The following COG2 variants were observed in gnomAD, a reference collection of about 807,000 sequenced individuals.
The protein encoded by COG2 is component of oligomeric golgi complex 2.
Under a neutral mutation model 90.6 loss-of-function variants are expected in COG2, and 52 were observed. The observed-to-expected ratio is 0.57, with a 90% confidence interval of 0.46 to 0.72. The LOEUF (loss-of-function observed/expected upper bound fraction) is 0.72, where lower values mean the gene tolerates loss of function less well. COG2 is among the 30% of genes least tolerant of loss of function. COG2 has a pLI of 0.00. For synonymous variants in COG2, 337 were observed against 320.4 expected (o/e 1.05, Z -0.55); for missense variants, 829 against 891.2 (o/e 0.93, Z 0.89).
intron 12 of COG2, among the ~76,000 whole-genome samples, chr1:230,686,646 TTTA>T (rs1236608910): frequency 1.3e-5 from 2 of 152,152 alleles, no homozygotes; most frequent in Non-Finnish European, 2.9e-5. Context: ...CAAAATTAAT[TTTA>T]TTGTGGTTTG....
intron 9 of COG2, chr1:230,678,517 C>G (rs1366987014): frequency 1.0e-6 from 1 of 985,330 alleles, no homozygotes; most frequent in South Asian, 4.7e-5. Context: ...TTTCTCTTCT[C>G]TCTCTTTCTT....
At chr1:230,671,243 G>T (rs1164113408) in intron 7 of COG2, 6 of 197,544 alleles carry the variant, frequency 3.0e-5, no homozygotes, top group Admixed American at 5.9e-5. Context: ...TTTAAAAGTT[G>T]TTATTTTATT....
intron 1 of COG2, among the ~76,000 whole-genome samples, chr1:230,644,350 A>G (rs1374548286): frequency 6.6e-6 from 1 of 152,202 alleles, no homozygotes; most frequent in Non-Finnish European, 1.5e-5. Flanking sequence ...GTTATTTGCA[A>G]TTTGTGTTGC....
Position 230,663,124 on chromosome 1 carries a change from T to G in COG2, c.301-17T>G. The G allele has an allele frequency of 1.3e-6, 2 of 1,586,192 alleles. No homozygotes were observed. The highest frequency in any genetic ancestry group is 1.7e-6 in the Non-Finnish European group (2 of 1,170,270). On this transcript the variant is annotated splice_polypyrimidine_tract_variant and intron_variant, in intron 3 of 17. Coordinates refer to ENST00000366669, the MANE Select transcript of COG2 (RefSeq NM_007357.3). Reference sequence around the variant, plus strand: ...CAAAACAATCTCTGCAGTACTTTTTTTTTTTGTCTTTTAAAGAGCCTTAGA... The same window carrying G: ...CAAAACAATCTCTGCAGTACTTTTTGTTTTTGTCTTTTAAAGAGCCTTAGA...
At chr1:230,684,831 T>C (rs533308206) in intron 11 of COG2, among the ~76,000 whole-genome samples, 24 of 152,234 alleles carry the variant, frequency 1.6e-4, no homozygotes. Flanking sequence ...GAATGCTATA[T>C]GTATTTGATG....
rs991825616 is a variant in COG2, at chr1:230,686,072, C to T, written c.1380+836C>T. Among the ~76,000 whole-genome samples, 4 of 152,014 alleles carry T rather than the reference C, an allele frequency of 2.6e-5. No homozygotes were observed. In the East Asian group the frequency reaches 7.7e-4, roughly 29 times the overall value. ...TGTCAGCTTTGGAGCTAATGTCAAA[C>T]GTTGGCTCTTTAACTTTTTAATTCT... is the stretch of plus-strand genomic sequence containing the variant. On this transcript the variant is annotated intron_variant, in intron 12 of 17. Transcript: ENST00000366669.
chr1:230,681,959 T>C (rs1236330767), intron 10 of COG2: 1 of 138,624 alleles, frequency 7.2e-6, no homozygotes. Context: ...CTTTGGTCCT[T>C]TTTCATTTCT....
intron 9 of COG2, among the ~76,000 whole-genome samples, chr1:230,677,241 C>T (rs1342261466): frequency 6.6e-6 from 1 of 152,158 alleles, no homozygotes; most frequent in East Asian, 1.9e-4. Context: ...TCCACCTGCA[C>T]ATTGAGTTTC....
At chr1:230,646,800 G>T (rs1222005074) in intron 1 of COG2, among the ~76,000 whole-genome samples, 1 of 151,956 alleles carries the variant, frequency 6.6e-6, no homozygotes, top group Non-Finnish European at 1.5e-5. Context: ...TTGTGAGTCA[G>T]ATGTTATCAA....
intron 5 of COG2, among the ~76,000 whole-genome samples, chr1:230,667,072 G>C (rs1662338414): frequency 2.0e-5 from 3 of 152,146 alleles, no homozygotes; most frequent in Admixed American, 1.3e-4. Context: ...GGGCCTCCGG[G>C]TCATCCCCTA....
chr1:230,653,678 A>G lies in COG2; in HGVS notation c.73-5786A>G, dbSNP rs149252857. ...TAAAACAGAATACTTGGGACTGGATAATTTATAAACTGTAGAAGTTTATGT... is the reference window on the plus strand; with the variant it reads ...TAAAACAGAATACTTGGGACTGGATGATTTATAAACTGTAGAAGTTTATGT... On this transcript the variant is annotated intron_variant, in intron 1 of 17. Transcript: ENST00000366669. 2.0e-3 allele frequency among the ~76,000 whole-genome samples: 298 copies of G among 152,234 alleles called. 1 individual carries two copies. The highest frequency in any genetic ancestry group is 7.0e-3 in the African/African-American group (290 of 41,538).
intron 11 of COG2, among the ~76,000 whole-genome samples, chr1:230,683,953 A>T (rs566301563): frequency 4.2e-4 from 64 of 151,974 alleles, no homozygotes; most frequent in African/African-American, 1.5e-3. Flanking sequence ...CACCACGCCT[A>T]GTTAATTTTT....
At position 230,675,137 on chromosome 1, in the gene COG2, C is replaced by T; in HGVS notation, c.1026+13C>T. 1 of 1,603,888 alleles carries T rather than the reference C, an allele frequency of 6.2e-7. No homozygotes were observed. The highest frequency in any genetic ancestry group is 1.3e-5 in the African/African-American group (1 of 74,682). On this transcript the variant is annotated intron_variant, in intron 9 of 17. Coordinates refer to ENST00000366669, the MANE Select transcript of COG2 (RefSeq NM_007357.3). ...TGCATTTCATGAGGTATCTCCCCGC[C>T]CGTCGTCTTGATTCTTGAAGATGTT...
intron 1 of COG2, among the ~76,000 whole-genome samples, chr1:230,650,570 A>G (rs1661891004): frequency 6.6e-6 from 1 of 151,652 alleles, no homozygotes; most frequent in Admixed American, 6.6e-5. Flanking sequence ...TTTCTTGTTG[A>G]TTTAAGTTCC....
intron 7 of COG2, chr1:230,671,248 T>C: frequency 5.0e-6 from 1 of 201,246 alleles, no homozygotes; most frequent in Non-Finnish European, 1.0e-5. Flanking sequence ...AAGTTGTTAT[T>C]TTATTTTCAG....
chr1:230,668,947 A>G, intron 6 of COG2, 163 bp downstream of exon 6: 1 of 521,250 alleles, frequency 1.9e-6, no homozygotes, highest in Admixed American at 3.7e-5. Flanking sequence ...GTCACACATT[A>G]TAGATTTTGT....
intron 15 of COG2, among the ~76,000 whole-genome samples, 181 bp downstream of exon 15, chr1:230,688,743 G>C (rs553316794): frequency 7.9e-5 from 12 of 152,060 alleles, no homozygotes; most frequent in Non-Finnish European, 1.5e-4. Context: ...CAGGGGCTCT[G>C]GGCCACAAAC....
Position 230,669,445 on chromosome 1 carries a change from G to A in COG2, c.684G>A (p.Arg228=), listed in dbSNP as rs756606190. 15 of 1,613,942 alleles carry A rather than the reference G, an allele frequency of 9.3e-6. No individual in the cohort carries two copies. The highest frequency in any genetic ancestry group is 1.3e-5 in the Non-Finnish European group (15 of 1,179,986). The change falls in exon 7 of 18, where the codon CGG becomes CGA. Residue 228 remains arginine (R), a synonymous_variant. Coordinates refer to ENST00000366669, the MANE Select transcript of COG2 (RefSeq NM_007357.3). ...GLQTSDVDII[R]HCLRTYATID... is the part of the protein sequence containing the mutation. ...AGACGTCTGACGTCGATATAATACG[G>A]CACTGCTTGCGGACTTACGCCACGA... is the stretch of plus-strand genomic sequence containing the variant.
chr1:230,683,482 A>C, intron 10 of COG2, 92 bp from the exon 11 acceptor site: 3 of 901,774 alleles, frequency 3.3e-6, no homozygotes, highest in East Asian at 5.1e-5. Flanking sequence ...TGACAGAGGA[A>C]GTTCCTGTTA....
Sources: gnomAD v4.1 joint callset for allele counts (sites outside exome capture counted in the v4.1 genomes callset) on GRCh38, gnomAD v4.1.1 for gene constraint, MANE v1.5 for transcripts, NCBI Gene and HGNC (gene_info 2026-07-23, HGNC 2026-07-21) for gene names.